IL10RB: variants seen among roughly 807,000 people sequenced by gnomAD.
IL10RB encodes interleukin 10 receptor subunit beta.
IL10RB carries 30 observed loss-of-function variants against 38.7 expected under a neutral mutation model. The ratio of observed to expected loss-of-function variants is 0.78; its 90% confidence interval spans 0.58 to 1.05. The LOEUF (loss-of-function observed/expected upper bound fraction) is 1.05, where lower values mean the gene tolerates loss of function less well. IL10RB is among the 50% of genes least tolerant of loss of function. The probability of loss-of-function intolerance (pLI) is 0.00; values close to 1 mark genes in which losing one functional copy is unlikely to be tolerated. For missense variants in IL10RB, 328 were observed against 397.1 expected, an observed-to-expected ratio of 0.83 and a Z score of 1.48; for synonymous variants, 142 against 145.9, an observed-to-expected ratio of 0.97 and a Z score of 0.19.
rs544426038 is a variant in IL10RB at position 33,290,105 on chromosome 21, C to T, written c.804+1844C>T. Among the ~76,000 whole-genome samples the T allele has an allele frequency of 6.6e-5, 10 of 151,424 alleles. No homozygotes were observed. The South Asian group carries it at 1.0e-3, about 16-fold the overall frequency. On this transcript the variant is annotated intron_variant, in intron 6 of 6. Transcript: ENST00000290200. ...CTCTAACCTGGGCAACAGAGCGAGACTCCGTCTCAAAAAAAAAAAATACAA... is the reference window on the plus strand; with the variant it reads ...CTCTAACCTGGGCAACAGAGCGAGATTCCGTCTCAAAAAAAAAAAATACAA...
chr21:33,291,411 G>A (rs1234773718), intron 6 of IL10RB, among the ~76,000 whole-genome samples: 4 of 152,006 alleles, frequency 2.6e-5, no homozygotes, highest in African/African-American at 7.3e-5. Flanking sequence ...GATTACAGGT[G>A]CCCTCCACCA....
At chr21:33,305,301 G>C (rs1437899814) in intron 1 of IL10RB, among the ~76,000 whole-genome samples, 1 of 151,890 alleles carries the variant, frequency 6.6e-6, no homozygotes, top group Non-Finnish European at 1.5e-5. Context: ...ATAGAGACAG[G>C]GTTTCGCCAT....
chr21:33,292,070 G>A (rs545251900), intron 6 of IL10RB, among the ~76,000 whole-genome samples: 1 of 152,198 alleles, frequency 6.6e-6, no homozygotes, highest in African/African-American at 2.4e-5. Flanking sequence ...GAGTTAATAT[G>A]GGATGCAGAA....
intron 3 of IL10RB, among the ~76,000 whole-genome samples, chr21:33,278,684 A>T (rs919267282): frequency 3.3e-5 from 5 of 152,210 alleles, no homozygotes; most frequent in Non-Finnish European, 7.4e-5. Context: ...CTTAGCAACT[A>T]CTACCCAATA....
Position 33,296,554 on chromosome 21 carries a change from A to G in IL10RB, c.*197A>G. On this transcript the variant is annotated 3_prime_UTR_variant, in exon 7 of 7. Transcript: ENST00000290200. ...CTTGGCAAAAATACTCCATTTGGGA[A>G]CTCACTGCCTTATAAAGGCTTTCAT... The G allele has an allele frequency of 1.4e-6, 1 of 696,338 alleles. No individual in the cohort carries two copies. The highest frequency in any genetic ancestry group is 2.0e-5 in the Admixed American group (1 of 49,646). The allele number at this position is 696,338 out of a possible 1,614,324, so 43.1% of individuals were successfully genotyped here.
chr21:33,294,367 G>C (rs1392502406), intron 6 of IL10RB, among the ~76,000 whole-genome samples: 1 of 130,700 alleles, frequency 7.7e-6, no homozygotes, highest in African/African-American at 3.4e-5. Flanking sequence ...CCAGCCACCA[G>C]TTTGTGTGTG....
intron 5 of IL10RB, 111 bp from the exon 6 acceptor site, chr21:33,287,993 C>A: frequency 9.4e-7 from 1 of 1,060,964 alleles, no homozygotes; most frequent in Non-Finnish European, 1.5e-6. Flanking sequence ...AGACGTCCCC[C>A]AAGATAAACG....
chr21:33,282,230 A>G (rs8178499), intron 4 of IL10RB, among the ~76,000 whole-genome samples: 1,777 of 152,272 alleles, frequency 0.012, 40 homozygotes, highest in African/African-American at 0.04. Context: ...CCCCAACCCC[A>G]AAAAAGAACT....
At chr21:33,292,621 G>C (rs1001086457) in intron 6 of IL10RB, among the ~76,000 whole-genome samples, 21 of 152,198 alleles carry the variant, frequency 1.4e-4, no homozygotes, top group African/African-American at 5.1e-4. Flanking sequence ...GTCTCTGCCG[G>C]GACCCCATAG....
At chr21:33,308,768 G>A (rs1292711158) in intron 1 of IL10RB, 1 of 152,208 alleles carries the variant, frequency 6.6e-6, no homozygotes. Flanking sequence ...GAAAGCTTAG[G>A]AATGCAAACT....
At position 33,283,179 on chromosome 21, in the gene IL10RB, T is replaced by C. The variant is rs746703321; in HGVS notation, c.584T>C (p.Leu195Pro). ...TATTGTGTTCAAGTTCGAGGGTTTC[T>C]TCCTGATCGGAACAAAGCTGGGGAA... ...TTYCVQVRGFLPDRNKAGEWS... is the reference protein window; with the variant it reads ...TTYCVQVRGFPPDRNKAGEWS... The change falls in exon 5 of 7, where the codon CTT (leucine) becomes CCT (proline). Residue 195 changes from leucine to proline, a missense_variant. By Grantham distance (98) the Leu-to-Pro change is moderately conservative. Transcript: ENST00000290200. 6.2e-7 allele frequency: 1 copy of C among 1,614,170 alleles called. No individual in the cohort carries two copies. Among genetic ancestry groups the C allele is most frequent in the Non-Finnish European group, 8.5e-7 (1 of 1,180,010 alleles).
intron 6 of IL10RB, among the ~76,000 whole-genome samples, chr21:33,295,357 GAAAAAAAA>G (rs59137986): frequency 3.6e-5 from 2 of 55,878 alleles, no homozygotes; most frequent in South Asian, 1.2e-3. Flanking sequence ...GACTCCGTCT[GAAAAAAAA>G]AAAAAAAAAA....
rs751221502 is a variant in IL10RB, at chr21:33,276,555, G to T, written c.174-41G>T. On this transcript the variant is annotated intron_variant, in intron 2 of 6. Transcript: ENST00000290200. ...ACCAGTCAGCCTCAGGGAGACTGAA[G>T]CCAGAACTCTCCTGATTGACCTATC... is the stretch of plus-strand genomic sequence containing the variant. The T allele has an allele frequency of 2.5e-6, 4 of 1,578,156 alleles. No homozygotes were observed. The Admixed American group carries it at 6.7e-5, about 26-fold the overall frequency.
In IL10RB at chr21:33,283,225, G is replaced by C. The variant is rs374589516; in HGVS notation, c.630G>C (p.Glu210Asp). 17 of 1,613,960 alleles carry C rather than the reference G, an allele frequency of 1.1e-5. No individual in the cohort carries two copies. The highest frequency in any genetic ancestry group is 1.4e-5 in the Non-Finnish European group (17 of 1,180,018). ...KAGEWSEPVC[E>D]QTTHDETVPS... Reference sequence around the variant, plus strand: ...GGGAATGGAGTGAGCCTGTCTGTGAGCAAACAACCCATGACGGTAAGCCCT... The same window carrying C: ...GGGAATGGAGTGAGCCTGTCTGTGACCAAACAACCCATGACGGTAAGCCCT... The change falls in exon 5 of 7, where the codon GAG becomes GAC. Residue 210 changes from glutamate to aspartate, a missense_variant. Coordinates refer to ENST00000290200, the MANE Select transcript of IL10RB (RefSeq NM_000628.5).
Position 33,279,081 on chromosome 21 carries a change from C to T in IL10RB, c.332-671C>T, listed in dbSNP as rs73900303. Among the ~76,000 whole-genome samples, 893 of 152,272 alleles carry T rather than the reference C, an allele frequency of 5.9e-3. 13 individuals are homozygous for T. Among genetic ancestry groups the T allele is most frequent in the African/African-American group, 0.02 (847 of 41,536 alleles). On this transcript the variant is annotated intron_variant, in intron 3 of 6. Coordinates refer to ENST00000290200, the MANE Select transcript of IL10RB (RefSeq NM_000628.5). ...ATAATAAATAAATAGATACATATTA[C>T]ATGACAGGTAGTGACTATGGTTCTT...
rs754534212 is a variant in IL10RB, at chr21:33,288,087, C to T, written c.647-17C>T. 6 of 1,613,088 alleles carry T rather than the reference C, an allele frequency of 3.7e-6. No individual in the cohort carries two copies. The highest frequency in any genetic ancestry group is 1.6e-4 in the Middle Eastern group (1 of 6,084). ...CGACCTGTGACAAGAATGTAACATG[C>T]CCATTACCCCTGGCAGAAACGGTCC... On this transcript the variant is annotated splice_polypyrimidine_tract_variant and intron_variant, in intron 5 of 6. Transcript: ENST00000290200.
At chr21:33,305,565 TA>T (rs1380163633) in intron 1 of IL10RB, among the ~76,000 whole-genome samples, 1 of 152,186 alleles carries the variant, frequency 6.6e-6, no homozygotes, top group African/African-American at 2.4e-5. Flanking sequence ...GATCTTATTG[TA>T]GCAGCGTAGG....
At chr21:33,272,217 T>C (rs1989094837) in intron 2 of IL10RB, among the ~76,000 whole-genome samples, 1 of 152,232 alleles carries the variant, frequency 6.6e-6, no homozygotes, top group Non-Finnish European at 1.5e-5. Context: ...TGTGATGTGC[T>C]ACCTTAGACT....
chr21:33,283,363 C>T (rs1013098185), intron 5 of IL10RB, 122 bp downstream of exon 5: 3 of 1,012,170 alleles, frequency 3.0e-6, no homozygotes, highest in African/African-American at 3.1e-5. Context: ...CTGACATTAT[C>T]TCTCAGCCCT....
Sources: allele counts gnomAD v4.1 joint callset (sites outside exome capture counted in the v4.1 genomes callset), GRCh38; gene constraint gnomAD v4.1.1; transcripts MANE v1.5; gene names NCBI Gene and HGNC (gene_info 2026-07-23, HGNC 2026-07-21).